Variants in SH3PXD2A observed in about 807,000 individuals in gnomAD.
SH3PXD2A encodes SH3 and PX domains 2A, also known as SH3 and PX domain-containing protein 2A.
Under a neutral mutation model 115.2 loss-of-function variants are expected in SH3PXD2A, and 32 were observed. The observed-to-expected ratio is 0.28, with a 90% CI of 0.21 to 0.37. The LOEUF is 0.37. SH3PXD2A is among the 10% of genes least tolerant of loss of function. The pLI is 1.00. For missense variants in SH3PXD2A, 1,328 were observed against 1,498.7 expected (o/e 0.89, Z 1.88); for synonymous variants, 610 against 629.1 (o/e 0.97, Z 0.45).
At chr10:103,763,704 G>A (rs369168380) in intron 3 of SH3PXD2A, among the ~76,000 whole-genome samples, 14 of 151,712 alleles carry the variant, frequency 9.2e-5, no homozygotes, top group African/African-American at 3.1e-4. Context: ...GTGAGTGTGG[G>A]CTACTGCTAG....
intron 5 of SH3PXD2A, among the ~76,000 whole-genome samples, chr10:103,695,118 G>T (rs1205438514): frequency 6.6e-6 from 1 of 152,158 alleles, no homozygotes; most frequent in Non-Finnish European, 1.5e-5. Flanking sequence ...GGGCACTGAG[G>T]AGCTACCCTC....
At chr10:103,732,028 C>T (rs985585996) in intron 4 of SH3PXD2A, among the ~76,000 whole-genome samples, 3 of 152,282 alleles carry the variant, frequency 2.0e-5, no homozygotes, top group Non-Finnish European at 2.9e-5. Flanking sequence ...TAGAAACATG[C>T]TCAGCTATTT....
chr10:103,701,359 A>G (rs373344546), intron 5 of SH3PXD2A, among the ~76,000 whole-genome samples: 3,268 of 133,946 alleles, frequency 0.024, 139 homozygotes, highest in African/African-American at 0.088. Flanking sequence ...CCATCCACCC[A>G]TCATCTATCC....
intron 6 of SH3PXD2A, among the ~76,000 whole-genome samples, chr10:103,685,668 A>C (rs2037668795): frequency 1.3e-5 from 2 of 152,192 alleles, no homozygotes; most frequent in African/African-American, 4.8e-5. Context: ...TCACTTCAGG[A>C]ACTTTCACTC....
chr10:103,606,026 C>T (rs2133914799), intron 13 of SH3PXD2A, 109 bp from the exon 14 acceptor site: 1 of 1,123,280 alleles, frequency 8.9e-7, no homozygotes, highest in Non-Finnish European at 1.3e-6. Context: ...GCCGTTTACA[C>T]CAGCTGGACA....
chr10:103,677,886 G>A (rs897319325), intron 6 of SH3PXD2A, among the ~76,000 whole-genome samples: 3 of 152,108 alleles, frequency 2.0e-5, no homozygotes, highest in Non-Finnish European at 4.4e-5. Context: ...ACTGCCCCAG[G>A]ACCCTCTTGA....
chr10:103,775,468 T>G (rs534055866), intron 2 of SH3PXD2A, among the ~76,000 whole-genome samples: 1 of 151,890 alleles, frequency 6.6e-6, no homozygotes, highest in South Asian at 2.1e-4. Flanking sequence ...GTGGCTGGAG[T>G]GAGCAAAAGG....
intron 5 of SH3PXD2A, among the ~76,000 whole-genome samples, chr10:103,714,183 C>T (rs954499975): frequency 1.3e-5 from 2 of 152,228 alleles, no homozygotes; most frequent in African/African-American, 4.8e-5. Context: ...GGCCTCAGCG[C>T]TCTTCCAGGG....
chr10:103,645,184 G>A (rs558670592), intron 8 of SH3PXD2A, among the ~76,000 whole-genome samples: 85 of 152,298 alleles, frequency 5.6e-4, no homozygotes, highest in African/African-American at 1.9e-3. Context: ...GACATAGGCC[G>A]AATCTTGCTC....
chr10:103,759,636 A>G (rs1387346371), intron 3 of SH3PXD2A, among the ~76,000 whole-genome samples: 1 of 152,160 alleles, frequency 6.6e-6, no homozygotes, highest in Non-Finnish European at 1.5e-5. Flanking sequence ...TGCTTTTTAC[A>G]TCAGCAGCTA....
chr10:103,797,185 G>A (rs1221789772), intron 2 of SH3PXD2A, among the ~76,000 whole-genome samples: 4 of 152,136 alleles, frequency 2.6e-5, no homozygotes, highest in African/African-American at 9.7e-5. Context: ...TCTTAAAAAA[G>A]CATTTGCTGT....
intron 4 of SH3PXD2A, among the ~76,000 whole-genome samples, 174 bp downstream of exon 4, chr10:103,735,558 G>C (rs896522928): frequency 9.2e-5 from 14 of 152,314 alleles, no homozygotes; most frequent in Admixed American, 5.2e-4. Context: ...GGGTCCCAGA[G>C]GGTGGCCCAG....
At chr10:103,709,911 G>GCC (rs1400198363) in intron 5 of SH3PXD2A, among the ~76,000 whole-genome samples, 5 of 152,044 alleles carry the variant, frequency 3.3e-5, no homozygotes, top group African/African-American at 1.2e-4. Flanking sequence ...TTCGAGACCA[G>GCC]TGTGACCAAC....
rs975785198 is a variant in SH3PXD2A at position 103,784,455 on chromosome 10, T to C, written c.153+16827A>G. Among the ~76,000 whole-genome samples, 2 of 152,236 alleles carry C rather than the reference T, an allele frequency of 1.3e-5. No individual in the cohort carries two copies. The highest frequency in any genetic ancestry group is 4.8e-5 in the African/African-American group (2 of 41,460). On this transcript the variant is annotated intron_variant, in intron 2 of 14. Transcript: ENST00000369774. The surrounding 1 kb of genome is among the most constrained non-coding windows in gnomAD (Gnocchi z 4.4). ...GCATTGACCAGACACCTCTTCTATC[T>C]GCACCATTTTATTTATTTAAAAGAG...
intron 1 of SH3PXD2A, among the ~76,000 whole-genome samples, chr10:103,838,198 A>G (rs1028119223): frequency 3.3e-5 from 5 of 152,136 alleles, no homozygotes; most frequent in Non-Finnish European, 7.4e-5. Context: ...TGGCCCTCTC[A>G]AGGGCTCTAA....
chr10:103,608,310 C>G (rs997471444), intron 13 of SH3PXD2A, among the ~76,000 whole-genome samples: 1 of 150,176 alleles, frequency 6.7e-6, no homozygotes, highest in Non-Finnish European at 1.5e-5. Flanking sequence ...GAGGCCCTGT[C>G]GGCACCCTGA....
chr10:103,729,608 A>G (rs972069), intron 4 of SH3PXD2A, among the ~76,000 whole-genome samples: 43,897 of 151,934 alleles, frequency 0.29, 7,107 homozygotes, highest in African/African-American at 0.43. Context: ...GGAACTATGC[A>G]GGTCCCTGGA....
At chr10:103,789,380 C>T (rs982161032) in intron 2 of SH3PXD2A, among the ~76,000 whole-genome samples, 14 of 152,226 alleles carry the variant, frequency 9.2e-5, no homozygotes, top group African/African-American at 3.4e-4. Context: ...CAGGATGACT[C>T]TGGATTTTCC....
At chr10:103,606,400 G>T (rs2036304050) in intron 13 of SH3PXD2A, among the ~76,000 whole-genome samples, 1 of 86,316 alleles carries the variant, frequency 1.2e-5, no homozygotes, top group Non-Finnish European at 2.3e-5. Context: ...TTTTGGTAGA[G>T]ATGGGCTCTC....
Sources: gnomAD v4.1 joint callset for allele counts (sites outside exome capture counted in the v4.1 genomes callset) on GRCh38, gnomAD v4.1.1 for gene constraint, Gnocchi (gnomAD v3.1) non-coding constraint, MANE v1.5 for transcripts, NCBI Gene and HGNC (gene_info 2026-07-23, HGNC 2026-07-21) for gene names.